PVT1: variants seen among roughly 807,000 people sequenced by gnomAD.
PVT1 encodes the protein Pvt1 oncogene.
At chr8:127,984,843 T>C (rs1011229287) in intron 3 of PVT1, among the ~76,000 whole-genome samples, 2 of 17,244 alleles carry the variant, frequency 1.2e-4, no homozygotes, top group African/African-American at 4.1e-4. Flanking sequence ...TTTCTTTTCT[T>C]TCTTTCTTTC....
chr8:127,992,600 C>T (rs1817055947), intron 4 of PVT1, among the ~76,000 whole-genome samples: 1 of 152,114 alleles, frequency 6.6e-6, no homozygotes, highest in South Asian at 2.1e-4. Flanking sequence ...GTGAGGATGA[C>T]GGAACCTTGC....
rs1205683377 is a variant in PVT1, at chr8:127,988,322, T to C, written n.783-840T>C. 6.6e-5 allele frequency among the ~76,000 whole-genome samples: 10 copies of C among 152,156 alleles called. No homozygotes were observed. The East Asian group carries it at 1.9e-3, about 29-fold the overall frequency. On this transcript the variant is annotated intron_variant and non_coding_transcript_variant, in intron 3 of 10. Coordinates refer to ENST00000651587, the Ensembl canonical transcript of PVT1. ...ATGATTTGGCTGCCAGTGAGGATGG[T>C]GGGGGGGCCTGAAAAGGGAAAAGGG...
intron 3 of PVT1, among the ~76,000 whole-genome samples, chr8:127,909,218 G>A (rs901519156): frequency 2.0e-5 from 3 of 152,248 alleles, no homozygotes; most frequent in Non-Finnish European, 2.9e-5. Context: ...CACGCAGGCC[G>A]CGTTTTTGTC....
chr8:128,074,418 G>A (rs1213483172), intron 5 of PVT1, among the ~76,000 whole-genome samples: 1 of 151,850 alleles, frequency 6.6e-6, no homozygotes, highest in African/African-American at 2.4e-5. Context: ...AGCTACTCAG[G>A]AGGCTGAGAC....
chr8:127,987,358 T>A (rs1816981591), intron 3 of PVT1, among the ~76,000 whole-genome samples: 2 of 152,298 alleles, frequency 1.3e-5, no homozygotes, highest in Non-Finnish European at 1.5e-5. Flanking sequence ...GCTGAGAACC[T>A]TTGATGGAAG....
intron 2 of PVT1, among the ~76,000 whole-genome samples, chr8:127,846,359 G>T (rs1211338908): frequency 6.6e-6 from 1 of 152,150 alleles, no homozygotes; most frequent in East Asian, 1.9e-4. Flanking sequence ...CACCTTTCCT[G>T]GTCTCCTCTC....
intron 3 of PVT1, among the ~76,000 whole-genome samples, chr8:127,926,100 C>G (rs1373934516): frequency 6.6e-6 from 1 of 152,178 alleles, no homozygotes; most frequent in Non-Finnish European, 1.5e-5. Flanking sequence ...TCCCTCCAGT[C>G]ATGGTCTCTG....
intron 2 of PVT1, among the ~76,000 whole-genome samples, chr8:127,800,995 C>T (rs1245875483): frequency 6.6e-6 from 1 of 152,158 alleles, no homozygotes; most frequent in Non-Finnish European, 1.5e-5. Flanking sequence ...CGTTAACCTC[C>T]ACCTGAAGTA....
intron 5 of PVT1, among the ~76,000 whole-genome samples, chr8:128,092,853 C>T (rs1349529381): frequency 6.6e-6 from 1 of 152,102 alleles, no homozygotes; most frequent in Non-Finnish European, 1.5e-5. Context: ...AATACTTTTG[C>T]ACCGCCAGGA....
chr8:128,040,452 C>T (rs1422000183), intron 4 of PVT1, among the ~76,000 whole-genome samples: 1 of 152,218 alleles, frequency 6.6e-6, no homozygotes, highest in African/African-American at 2.4e-5. Context: ...CTTAAAATCT[C>T]TCTCTTTCTG....
At chr8:127,985,908 C>T (rs1186431641) in intron 3 of PVT1, among the ~76,000 whole-genome samples, 1 of 152,198 alleles carries the variant, frequency 6.6e-6, no homozygotes, top group Non-Finnish European at 1.5e-5. Flanking sequence ...TGGCCAAGGG[C>T]TCCTACCCTA....
Position 128,002,631 on chromosome 8 carries a change from C to A in PVT1, n.912+13340C>A, listed in dbSNP as rs117937615. On this transcript the variant is annotated intron_variant and non_coding_transcript_variant, in intron 4 of 10. Transcript: ENST00000651587. ...TGGCTTGTCATTGCATCATCCAAGTCTCTGCCTCCATCCTCCTGTGTCCTC... is the reference window on the plus strand; with the variant it reads ...TGGCTTGTCATTGCATCATCCAAGTATCTGCCTCCATCCTCCTGTGTCCTC... Among the ~76,000 whole-genome samples, 40 of 152,300 alleles carry A rather than the reference C, an allele frequency of 2.6e-4. 1 individual carries two copies. In the East Asian group the frequency reaches 7.2e-3, roughly 27 times the overall value.
At chr8:127,887,081 T>C (rs933418177) in intron 2 of PVT1, among the ~76,000 whole-genome samples, 1 of 152,226 alleles carries the variant, frequency 6.6e-6, no homozygotes, top group Admixed American at 6.5e-5. Flanking sequence ...CCATACAAAC[T>C]TGGCTCAGGA....
chr8:127,811,358 G>A lies in PVT1; in HGVS notation n.372+15287G>A, dbSNP rs376583903. 5.9e-5 allele frequency among the ~76,000 whole-genome samples: 9 copies of A among 152,238 alleles called. No homozygotes were observed. In the East Asian group the frequency reaches 1.2e-3, roughly 20 times the overall value. ...TACCTGTGGGCCGTATGTGGCCCCC[G>A]GGGCCAGCAGTTTGCAGCTCCTTGG... On this transcript the variant is annotated intron_variant and non_coding_transcript_variant, in intron 2 of 10. Coordinates refer to ENST00000651587, the Ensembl canonical transcript of PVT1.
At chr8:127,917,803 C>G (rs1309516616) in intron 3 of PVT1, among the ~76,000 whole-genome samples, 1 of 152,252 alleles carries the variant, frequency 6.6e-6, no homozygotes, top group Non-Finnish European at 1.5e-5. Context: ...CAGACCTCCT[C>G]TCTGTCCGGT....
intron 3 of PVT1, among the ~76,000 whole-genome samples, chr8:127,897,161 C>T (rs931585731): frequency 2.0e-5 from 3 of 152,198 alleles, no homozygotes; most frequent in Non-Finnish European, 1.5e-5. Flanking sequence ...CCCGTTACCC[C>T]TGAGCGAGTT....
chr8:127,912,592 A>G (rs1015127125), intron 3 of PVT1, among the ~76,000 whole-genome samples: 1 of 152,228 alleles, frequency 6.6e-6, no homozygotes, highest in African/African-American at 2.4e-5. Flanking sequence ...CTATTGTGAT[A>G]GAGGAAGAAA....
At chr8:127,939,702 G>A (rs1303602697) in intron 3 of PVT1, 1 of 152,192 alleles carries the variant, frequency 6.6e-6, no homozygotes, top group Non-Finnish European at 1.5e-5. Flanking sequence ...GAGGCCATGT[G>A]CTAACAGAGA....
chr8:127,861,337 C>G (rs560160505), intron 2 of PVT1, among the ~76,000 whole-genome samples: 1 of 152,080 alleles, frequency 6.6e-6, no homozygotes, highest in Non-Finnish European at 1.5e-5. Flanking sequence ...GGCTGGGCGC[C>G]GTGGCTCACA....
Sources: gnomAD v4.1 joint callset for allele counts (sites outside exome capture counted in the v4.1 genomes callset) on GRCh38, gnomAD v4.1.1 for gene constraint, MANE v1.5 for transcripts, NCBI Gene and HGNC (gene_info 2026-07-23, HGNC 2026-07-21) for gene names.